CSMD3: variants seen among roughly 807,000 people sequenced by gnomAD.
CSMD3 encodes the protein CUB and sushi domain-containing protein 3.
CSMD3 carries 177 observed loss-of-function variants against 435.2 expected under a neutral mutation model. The ratio of observed to expected loss-of-function variants is 0.41; its 90% CI spans 0.36 to 0.46. The LOEUF is 0.46. Ranked by LOEUF, CSMD3 falls within the 20% of genes least tolerant of loss-of-function variation. CSMD3 has a pLI of 0.34. For synonymous variants in CSMD3, 1,656 were observed against 1,520.5 expected, an observed-to-expected ratio of 1.09 and a Z score of -2.07; for missense variants, 4,265 against 4,504.6, an observed-to-expected ratio of 0.95 and a Z score of 1.52.
At chr8:112,382,860 G>A (rs996399084) in intron 37 of CSMD3, among the ~76,000 whole-genome samples, 5 of 152,128 alleles carry the variant, frequency 3.3e-5, no homozygotes, top group South Asian at 2.1e-4. Context: ...GCGTAGTGAC[G>A]CATGTCTGTA....
At chr8:113,365,695 C>T (rs1170922870) in intron 1 of CSMD3, among the ~76,000 whole-genome samples, 1 of 151,960 alleles carries the variant, frequency 6.6e-6, no homozygotes, top group Non-Finnish European at 1.5e-5. Flanking sequence ...AAACAAAAAT[C>T]GGACCTGAAC....
intron 4 of CSMD3, among the ~76,000 whole-genome samples, chr8:113,105,121 A>C (rs528483037): frequency 6.6e-6 from 1 of 152,136 alleles, no homozygotes; most frequent in Non-Finnish European, 1.5e-5. Context: ...TATTTAAATT[A>C]AATCAAGTAA....
intron 57 of CSMD3, 110 bp downstream of exon 57, chr8:112,289,255 A>G (rs1819525133): frequency 2.1e-6 from 2 of 947,256 alleles, no homozygotes; most frequent in East Asian, 2.4e-5. Flanking sequence ...GAGATTTTTC[A>G]GAGAGAAATA....
intron 27 of CSMD3, among the ~76,000 whole-genome samples, chr8:112,536,736 A>G (rs1447147138): frequency 6.7e-6 from 1 of 150,250 alleles, no homozygotes; most frequent in African/African-American, 2.5e-5. Context: ...TTATTGCGGC[A>G]CTATTCACAA....
intron 3 of CSMD3, among the ~76,000 whole-genome samples, chr8:113,259,621 A>C (rs2132346942): frequency 6.6e-6 from 1 of 152,264 alleles, no homozygotes; most frequent in South Asian, 2.1e-4. Context: ...TCTAATATCT[A>C]GAAATAAAAA....
intron 13 of CSMD3, among the ~76,000 whole-genome samples, chr8:112,781,750 G>A (rs549872601): frequency 6.6e-6 from 1 of 152,110 alleles, no homozygotes; most frequent in Non-Finnish European, 1.5e-5. Context: ...ACTCTGTTGG[G>A]AGGAAAGTAA....
intron 45 of CSMD3, among the ~76,000 whole-genome samples, chr8:112,331,954 T>C (rs1824106795): frequency 1.3e-5 from 2 of 152,120 alleles, no homozygotes; most frequent in South Asian, 4.1e-4. Flanking sequence ...TTAACAGGCA[T>C]ATCTTCTTGT....
Position 113,369,922 on chromosome 8 carries a change from T to C in CSMD3, c.179-55129A>G, listed in dbSNP as rs2094336636. 2.0e-5 allele frequency among the ~76,000 whole-genome samples: 3 copies of C among 151,728 alleles called. No homozygotes were observed. The South Asian group carries it at 6.2e-4, about 31-fold the overall frequency. On this transcript the variant is annotated intron_variant, in intron 1 of 70. Coordinates refer to ENST00000297405, the MANE Select transcript of CSMD3 (RefSeq NM_198123.2). ...GGCTGAGGCAGTGACAGTGGGGGAT[T>C]GGGAGATGTTGGTAAAAGGATACAA...
chr8:113,348,535 G>A (rs2094167343), intron 1 of CSMD3, among the ~76,000 whole-genome samples: 1 of 152,080 alleles, frequency 6.6e-6, no homozygotes, highest in African/African-American at 2.4e-5. Flanking sequence ...CAGGGAGGAA[G>A]ATGCAAAAAG....
At chr8:112,716,236 C>A (rs1252554925) in intron 13 of CSMD3, among the ~76,000 whole-genome samples, 3 of 152,162 alleles carry the variant, frequency 2.0e-5, no homozygotes, top group Admixed American at 2.0e-4. Context: ...TCTCAGGATA[C>A]AAAATCAACG....
At chr8:112,804,675 ATT>A (rs1554684174) in intron 12 of CSMD3, among the ~76,000 whole-genome samples, 2 of 134,492 alleles carry the variant, frequency 1.5e-5, no homozygotes, top group East Asian at 2.1e-4. Flanking sequence ...ATTTTATTTT[ATT>A]TTTTTTGAGA....
At chr8:112,497,186 A>AC (rs1821437937) in intron 30 of CSMD3, among the ~76,000 whole-genome samples, 1 of 151,598 alleles carries the variant, frequency 6.6e-6, no homozygotes, top group Non-Finnish European at 1.5e-5. Flanking sequence ...AGAGATAGAG[A>AC]GTAGAATGAT....
At chr8:113,002,226 C>A (rs1304503130) in intron 6 of CSMD3, among the ~76,000 whole-genome samples, 1 of 152,042 alleles carries the variant, frequency 6.6e-6, no homozygotes, top group East Asian at 1.9e-4. Flanking sequence ...ACTCCCGGAG[C>A]AGCTAAAATG....
intron 54 of CSMD3, among the ~76,000 whole-genome samples, chr8:112,294,093 G>GT (rs1820033790): frequency 1.3e-5 from 2 of 152,024 alleles, no homozygotes; most frequent in African/African-American, 4.8e-5. Context: ...TTGCTTGGGG[G>GT]GGGTGTAGGG....
Position 112,222,967 on chromosome 8 carries a change from T to C in CSMD3, c.*1804A>G. On this transcript the variant is annotated 3_prime_UTR_variant, in exon 71 of 71. Transcript: ENST00000297405. Reference sequence around the variant, plus strand: ...TTATCCATTTTTATTTTGTTTACATTGCACTGAAAATTTACATCATACTTT... The same window carrying C: ...TTATCCATTTTTATTTTGTTTACATCGCACTGAAAATTTACATCATACTTT... The C allele has an allele frequency of 5.0e-6, 2 of 397,094 alleles. No homozygotes were observed. The highest frequency in any genetic ancestry group is 8.9e-6 in the Non-Finnish European group (2 of 224,754). 24.6% of individuals were successfully genotyped at this position (397,094 alleles called of 1,614,324 possible).
intron 1 of CSMD3, among the ~76,000 whole-genome samples, chr8:113,408,815 C>T (rs1423507175): frequency 1.3e-5 from 2 of 151,862 alleles, no homozygotes; most frequent in Non-Finnish European, 2.9e-5. Flanking sequence ...CAGGCGTGTG[C>T]CACCACACCC....
chr8:112,924,655 A>C (rs1283512670), intron 9 of CSMD3, among the ~76,000 whole-genome samples: 1 of 151,782 alleles, frequency 6.6e-6, no homozygotes, highest in Non-Finnish European at 1.5e-5. Context: ...CTGTTTTGCT[A>C]CTATACTAAA....
rs1362724305 is a variant in CSMD3, at chr8:112,390,805, C to T, written c.5810-17G>A. 6.2e-7 allele frequency: 1 copy of T among 1,611,846 alleles called. No individual in the cohort carries two copies. Among genetic ancestry groups the T allele is most frequent in the Non-Finnish European group, 8.5e-7 (1 of 1,178,222 alleles). On this transcript the variant is annotated splice_polypyrimidine_tract_variant and intron_variant, in intron 35 of 70. Coordinates refer to ENST00000297405, the MANE Select transcript of CSMD3 (RefSeq NM_198123.2). ...CACAGGGCACTGAAAATAAAGCAGT[C>T]CAAGAGAGGGAGTTAATTCTAATGC...
intron 13 of CSMD3, among the ~76,000 whole-genome samples, chr8:112,759,818 T>TAA (rs2077793729): frequency 6.6e-6 from 1 of 152,128 alleles, no homozygotes; most frequent in African/African-American, 2.4e-5. Context: ...AAAGAAATCC[T>TAA]ATTTTTAAGC....
Sources: gnomAD v4.1 joint callset for allele counts (sites outside exome capture counted in the v4.1 genomes callset) on GRCh38, gnomAD v4.1.1 for gene constraint, MANE v1.5 for transcripts, NCBI Gene and HGNC (gene_info 2026-07-23, HGNC 2026-07-21) for gene names.